CNTNAP2: variants seen among roughly 807,000 people sequenced by gnomAD.
CNTNAP2 encodes contactin associated protein 2.
A neutral mutation model predicts 155.2 loss-of-function variants in CNTNAP2; 98 were observed. That is an observed-to-expected ratio of 0.63 (90% confidence interval 0.54 to 0.75). The LOEUF (loss-of-function observed/expected upper bound fraction) is 0.75. Among genes scored for constraint, CNTNAP2 ranks in the 30% least tolerant of loss-of-function variants. The probability of loss-of-function intolerance (pLI) is 0.00; values close to 1 mark genes in which losing one functional copy is unlikely to be tolerated. For synonymous variants in CNTNAP2, 651 were observed against 631.2 expected, an observed-to-expected ratio of 1.03 and a Z score of -0.47; for missense variants, 1,727 against 1,688.1, an observed-to-expected ratio of 1.02 and a Z score of -0.40.
rs540085029 is a variant in CNTNAP2 at position 147,225,198 on chromosome 7, A to G, written c.1349-74943A>G. Among the ~76,000 whole-genome samples the G allele has an allele frequency of 7.9e-5, 12 of 152,346 alleles. 1 individual carries two copies. The highest frequency in any genetic ancestry group is 3.4e-3 in the Middle Eastern group (1 of 294). On this transcript the variant is annotated intron_variant, in intron 8 of 23. Coordinates refer to ENST00000361727, the MANE Select transcript of CNTNAP2 (RefSeq NM_014141.6). ...TAATTACAGCACCATATTGCTCACT[A>G]TAAAGTACAACTGTCAATTACAAAT... is the stretch of plus-strand genomic sequence containing the variant.
intron 1 of CNTNAP2, among the ~76,000 whole-genome samples, chr7:146,556,494 G>C (rs962778524): frequency 1.3e-5 from 2 of 152,134 alleles, no homozygotes; most frequent in Non-Finnish European, 2.9e-5. Context: ...CCTAATAACT[G>C]TTAATTCCCC....
intron 8 of CNTNAP2, among the ~76,000 whole-genome samples, chr7:147,269,874 A>G (rs1183937780): frequency 6.6e-6 from 1 of 152,096 alleles, no homozygotes; most frequent in Admixed American, 6.6e-5. Flanking sequence ...ATATTATGGT[A>G]AGACCACTGT....
At chr7:146,485,364 C>A (rs2129129803) in intron 1 of CNTNAP2, among the ~76,000 whole-genome samples, 1 of 152,218 alleles carries the variant, frequency 6.6e-6, no homozygotes. Flanking sequence ...TATTCTATCC[C>A]AATGAATGTC....
intron 10 of CNTNAP2, among the ~76,000 whole-genome samples, chr7:147,434,802 C>T (rs1034866388): frequency 6.6e-6 from 1 of 152,220 alleles, no homozygotes; most frequent in African/African-American, 2.4e-5. Flanking sequence ...CCATGGTCTG[C>T]TATGCTGCGC....
At chr7:146,160,518 G>A (rs1384023978) in intron 1 of CNTNAP2, among the ~76,000 whole-genome samples, 1 of 152,110 alleles carries the variant, frequency 6.6e-6, no homozygotes, top group Non-Finnish European at 1.5e-5. Flanking sequence ...AATGATAATG[G>A]GGATATCATT....
chr7:146,995,938 A>G (rs1320656399), intron 3 of CNTNAP2, among the ~76,000 whole-genome samples: 1 of 151,208 alleles, frequency 6.6e-6, no homozygotes, highest in Non-Finnish European at 1.5e-5. Flanking sequence ...TATTTAAAAC[A>G]AAACAAAACA....
intron 8 of CNTNAP2, among the ~76,000 whole-genome samples, chr7:147,216,362 G>A (rs1306957786): frequency 6.6e-6 from 1 of 151,958 alleles, no homozygotes; most frequent in Non-Finnish European, 1.5e-5. Context: ...TTTTGTGAAG[G>A]ATATAAGGTC....
chr7:147,796,396 T>C (rs1797895823), intron 13 of CNTNAP2, among the ~76,000 whole-genome samples: 1 of 152,122 alleles, frequency 6.6e-6, no homozygotes. Flanking sequence ...GCACAAATAA[T>C]CCCAAAGACA....
chr7:147,188,530 C>A (rs1400408700), intron 8 of CNTNAP2, among the ~76,000 whole-genome samples: 1 of 152,114 alleles, frequency 6.6e-6, no homozygotes, highest in Non-Finnish European at 1.5e-5. Context: ...GAGAAAGCAC[C>A]AGATTGGGCT....
intron 9 of CNTNAP2, among the ~76,000 whole-genome samples, chr7:147,363,338 A>T (rs900456896): frequency 3.3e-5 from 5 of 152,170 alleles, no homozygotes; most frequent in Non-Finnish European, 7.4e-5. Context: ...TGAACTGTGA[A>T]AAAGGAATGT....
chr7:147,145,487 T>G (rs537978683), intron 8 of CNTNAP2, among the ~76,000 whole-genome samples: 2 of 152,284 alleles, frequency 1.3e-5, no homozygotes, highest in Admixed American at 1.3e-4. Flanking sequence ...GCATGCAGGT[T>G]GACCACCCTG....
At position 147,934,208 on chromosome 7, in the gene CNTNAP2, G is replaced by C. The variant is rs1800563099; in HGVS notation, c.2255+30487G>C. ...GTTACCTGTTCATACTACAGTTAGAGTATTAGTCCTTTTTCACACTGCTGA... is the reference window on the plus strand; with the variant it reads ...GTTACCTGTTCATACTACAGTTAGACTATTAGTCCTTTTTCACACTGCTGA... On this transcript the variant is annotated intron_variant, in intron 14 of 23. Transcript: ENST00000361727. Among the ~76,000 whole-genome samples the C allele has an allele frequency of 1.3e-5, 2 of 152,186 alleles. 1 individual carries two copies. The highest frequency in any genetic ancestry group is 4.2e-4 in the South Asian group (2 of 4,818).
At chr7:146,547,766 G>A (rs1439019828) in intron 1 of CNTNAP2, among the ~76,000 whole-genome samples, 2 of 151,582 alleles carry the variant, frequency 1.3e-5, no homozygotes, top group African/African-American at 4.8e-5. Context: ...TGTGATAAAC[G>A]TGGAAGTGCT....
At chr7:147,130,475 A>G (rs554021339) in intron 7 of CNTNAP2, among the ~76,000 whole-genome samples, 4 of 152,238 alleles carry the variant, frequency 2.6e-5, no homozygotes, top group South Asian at 2.1e-4. Context: ...GAATAAAAAA[A>G]GATTATGGAT....
chr7:148,267,584 G>A (rs565386625), intron 21 of CNTNAP2, among the ~76,000 whole-genome samples: 14 of 151,696 alleles, frequency 9.2e-5, no homozygotes, highest in Middle Eastern at 3.4e-3. Context: ...GAACCCCGGA[G>A]GTGGAGGTTG....
At chr7:146,611,963 C>T (rs1799145685) in intron 1 of CNTNAP2, among the ~76,000 whole-genome samples, 1 of 152,142 alleles carries the variant, frequency 6.6e-6, no homozygotes, top group Admixed American at 6.5e-5. Flanking sequence ...ATGATATATA[C>T]ATAACATATA....
intron 15 of CNTNAP2, among the ~76,000 whole-genome samples, chr7:147,993,270 G>A (rs547785190): frequency 2.6e-5 from 4 of 152,154 alleles, no homozygotes; most frequent in South Asian, 4.1e-4. Flanking sequence ...TGTCAAAAGA[G>A]AAAATGACCT....
At chr7:146,534,377 G>A (rs944398200) in intron 1 of CNTNAP2, among the ~76,000 whole-genome samples, 3 of 152,236 alleles carry the variant, frequency 2.0e-5, no homozygotes, top group African/African-American at 4.8e-5. Context: ...TGTCATGAAA[G>A]TGGGTTTGGC....
At chr7:146,676,829 C>T (rs976418130) in intron 1 of CNTNAP2, among the ~76,000 whole-genome samples, 1 of 152,150 alleles carries the variant, frequency 6.6e-6, no homozygotes, top group African/African-American at 2.4e-5. Context: ...ATGGGGGAAA[C>T]TGCCCCCATG....
Sources: allele counts gnomAD v4.1 joint callset (sites outside exome capture counted in the v4.1 genomes callset), GRCh38; gene constraint gnomAD v4.1.1; transcripts MANE v1.5; gene names NCBI Gene and HGNC (gene_info 2026-07-23, HGNC 2026-07-21).